The following CATSPERB variants were observed in gnomAD, a reference collection of about 807,000 sequenced individuals.
CATSPERB encodes cation channel sperm-associated auxiliary subunit beta.
A neutral mutation model predicts 128.3 loss-of-function variants in CATSPERB; 93 were observed. The observed-to-expected ratio is 0.72, with a 90% CI of 0.61 to 0.86. CATSPERB has a LOEUF of 0.86. Ranked by LOEUF, CATSPERB falls within the 40% of genes least tolerant of loss-of-function variation. CATSPERB has a pLI of 0.00. For missense variants in CATSPERB, 1,153 were observed against 1,329.5 expected (o/e 0.87, Z 2.06); for synonymous variants, 381 against 448.8 (o/e 0.85, Z 1.91).
intron 22 of CATSPERB, chr14:91,603,503 C>T (rs1160185152): frequency 9.7e-7 from 1 of 1,033,724 alleles, no homozygotes; most frequent in East Asian, 2.4e-5. Flanking sequence ...CAAAACTCTG[C>T]AGCTGAAATG....
At chr14:91,646,906 T>G in intron 15 of CATSPERB, among the ~76,000 whole-genome samples, 1 of 152,234 alleles carries the variant, frequency 6.6e-6, no homozygotes, top group East Asian at 1.9e-4. Flanking sequence ...TATTCATGCT[T>G]TAATAAATGT....
chr14:91,719,009 C>T lies in CATSPERB; in HGVS notation c.370+409G>A, dbSNP rs115480313. ...TAGGTACATACAGTAGCATATGATG[C>T]TACACTGCCACAAAATACTTAATAG... is the stretch of plus-strand genomic sequence containing the variant. On this transcript the variant is annotated intron_variant, in intron 5 of 26. Transcript: ENST00000256343. 2.5e-3 allele frequency among the ~76,000 whole-genome samples: 385 copies of T among 152,232 alleles called. 3 individuals are homozygous for T. Among genetic ancestry groups the T allele is most frequent in the African/African-American group, 9.0e-3 (372 of 41,534 alleles).
intron 16 of CATSPERB, 23 bp from the exon 17 acceptor site, chr14:91,636,602 A>T (rs370305949): frequency 6.3e-7 from 1 of 1,582,778 alleles, no homozygotes; most frequent in East Asian, 2.3e-5. Flanking sequence ...AAAAGAAAAT[A>T]TTATATTTAA....
At chr14:91,621,056 G>A (rs1045910737) in intron 19 of CATSPERB, among the ~76,000 whole-genome samples, 20 of 152,178 alleles carry the variant, frequency 1.3e-4, no homozygotes, top group African/African-American at 3.9e-4. Flanking sequence ...TTTGTAAAAT[G>A]AGGATTATAA....
At chr14:91,613,471 T>C (rs1893872168) in intron 20 of CATSPERB, among the ~76,000 whole-genome samples, 1 of 152,214 alleles carries the variant, frequency 6.6e-6, no homozygotes, top group Admixed American at 6.5e-5. Context: ...ATATTGTAAG[T>C]TAATAGTTAT....
At chr14:91,718,506 T>C (rs1895978727) in intron 5 of CATSPERB, among the ~76,000 whole-genome samples, 1 of 152,208 alleles carries the variant, frequency 6.6e-6, no homozygotes, top group Non-Finnish European at 1.5e-5. Flanking sequence ...CCATATTTGC[T>C]TGGTGCACAG....
In CATSPERB at chr14:91,586,443, T is replaced by A. The variant is rs1457804362; in HGVS notation, c.3132+759A>T. Reference sequence around the variant, plus strand: ...AGTTTCTTTATCTAGTGGGTTGAATTTTTCTCTCAGGGTTTTAGAGGTTTG... The same window carrying A: ...AGTTTCTTTATCTAGTGGGTTGAATATTTCTCTCAGGGTTTTAGAGGTTTG... On this transcript the variant is annotated intron_variant, in intron 26 of 26. Transcript: ENST00000256343. 1.3e-5 allele frequency among the ~76,000 whole-genome samples: 2 copies of A among 152,056 alleles called. 1 individual carries two copies. Among genetic ancestry groups the A allele is most frequent in the Non-Finnish European group, 2.9e-5 (2 of 68,014 alleles).
At chr14:91,683,454 C>A (rs1402265945) in intron 11 of CATSPERB, among the ~76,000 whole-genome samples, 1 of 152,152 alleles carries the variant, frequency 6.6e-6, no homozygotes, top group Non-Finnish European at 1.5e-5. Context: ...TGAAAGCATA[C>A]TTTGAAATTC....
chr14:91,633,595 T>C (rs1894314883), intron 17 of CATSPERB, among the ~76,000 whole-genome samples: 1 of 152,006 alleles, frequency 6.6e-6, no homozygotes, highest in South Asian at 2.1e-4. Flanking sequence ...TAATATACAA[T>C]GTCAAAGATA....
intron 19 of CATSPERB, among the ~76,000 whole-genome samples, chr14:91,619,233 G>A (rs936705511): frequency 6.6e-6 from 1 of 152,086 alleles, no homozygotes; most frequent in African/African-American, 2.4e-5. Context: ...AGCAGAGAAA[G>A]GATGCATTAG....
At position 91,587,477 on chromosome 14, in the gene CATSPERB, C is replaced by CTTTTTTTT. The variant is rs3029803; in HGVS notation, c.3058-209_3058-202dup. On this transcript the variant is annotated intron_variant, in intron 25 of 26. Coordinates refer to ENST00000256343, the MANE Select transcript of CATSPERB (RefSeq NM_024764.4). ...AAGTGGAGGGATTCAATAGCTGATACTTTTTTTTTTTTTTTTTTTTTTTTT... is the reference window on the plus strand; with the variant it reads ...AAGTGGAGGGATTCAATAGCTGATACTTTTTTTTTTTTTTTTTTTTTTTTTTTTTTTTT... Among the ~76,000 whole-genome samples, 32 of 101,534 alleles carry CTTTTTTTT rather than the reference C, an allele frequency of 3.2e-4. 1 individual carries two copies. The highest frequency in any genetic ancestry group is 2.3e-3 in the East Asian group (8 of 3,522). 66.6% of individuals were successfully genotyped at this position (101,534 alleles called of 152,430 possible).
intron 14 of CATSPERB, among the ~76,000 whole-genome samples, chr14:91,661,084 A>G (rs1007196487): frequency 6.6e-6 from 1 of 152,164 alleles, no homozygotes; most frequent in African/African-American, 2.4e-5. Flanking sequence ...AACACAATCC[A>G]TGATCCAAAG....
intron 20 of CATSPERB, among the ~76,000 whole-genome samples, chr14:91,616,285 A>G (rs1163185815): frequency 6.6e-6 from 1 of 152,080 alleles, no homozygotes; most frequent in Non-Finnish European, 1.5e-5. Flanking sequence ...TTCATCTTTC[A>G]TCACTTTGTA....
chr14:91,719,330 TC>T (rs1895992117), intron 5 of CATSPERB, 87 bp downstream of exon 5: 1 of 923,696 alleles, frequency 1.1e-6, no homozygotes, highest in Non-Finnish European at 1.6e-6. Context: ...ACATAACAAA[TC>T]ACTTTTAAGA....
chr14:91,718,386 T>C (rs1895976843), intron 5 of CATSPERB, among the ~76,000 whole-genome samples: 2 of 152,186 alleles, frequency 1.3e-5, no homozygotes, highest in African/African-American at 4.8e-5. Flanking sequence ...CATCTCTAAC[T>C]TACCCTCACC....
At chr14:91,616,557 G>C (rs774434631) in intron 20 of CATSPERB, among the ~76,000 whole-genome samples, 17 of 151,958 alleles carry the variant, frequency 1.1e-4, no homozygotes, top group African/African-American at 2.4e-4. Context: ...TTAGATGCTA[G>C]GAGTTTAGTA....
intron 17 of CATSPERB, among the ~76,000 whole-genome samples, chr14:91,633,607 G>A (rs76760431): frequency 0.066 from 10,021 of 151,910 alleles, 470 homozygotes; most frequent in Admixed American, 0.13. Context: ...TCAAAGATAG[G>A]TATATTCCAG....
Position 91,669,881 on chromosome 14 carries a change from G to A in CATSPERB, c.1220C>T (p.Ser407Leu), listed in dbSNP as rs1339189354. ...TACCATTCCAACGGGAGAAGAGAAT[G>A]ATGAAGGAAACCGAAAAATTGGAAA... Reference protein sequence around the residue: ...SKFPIFRFPSSFSSPVGMVFH... With the variant: ...SKFPIFRFPSLFSSPVGMVFH... The change falls in exon 14 of 27, where the codon TCA (serine) becomes TTA (leucine). Residue 407 changes from serine to leucine, a missense_variant. Transcript: ENST00000256343. 6.2e-7 allele frequency: 1 copy of A among 1,613,966 alleles called. No individual in the cohort carries two copies. Among genetic ancestry groups the A allele is most frequent in the Admixed American group, 1.7e-5 (1 of 59,966 alleles).
chr14:91,636,849 A>G (rs988244261), intron 16 of CATSPERB, among the ~76,000 whole-genome samples: 9 of 152,184 alleles, frequency 5.9e-5, no homozygotes, highest in African/African-American at 2.2e-4. Context: ...GAAAGGGTAC[A>G]TGGAAACTTG....
Sources: allele counts gnomAD v4.1 joint callset (sites outside exome capture counted in the v4.1 genomes callset), GRCh38; gene constraint gnomAD v4.1.1; transcripts MANE v1.5; gene names NCBI Gene and HGNC (gene_info 2026-07-23, HGNC 2026-07-21).